Variants in PBX1 observed in about 807,000 individuals in gnomAD.
PBX1 encodes the protein pre-B-cell leukemia transcription factor 1.
Under a neutral mutation model 53.4 loss-of-function variants are expected in PBX1, and 6 were observed. That is an observed-to-expected ratio of 0.11 (90% CI 0.06 to 0.22). PBX1 has a LOEUF of 0.22. Ranked by LOEUF, PBX1 falls within the 10% of genes least tolerant of loss-of-function variation. The pLI, the probability that PBX1 is intolerant of heterozygous loss-of-function variation, is 1.00. For synonymous variants in PBX1, 204 were observed against 212.3 expected (o/e 0.96, Z 0.34); for missense variants, 251 against 551.4 (o/e 0.46, Z 5.46).
At chr1:164,817,059 A>G (rs1030980408) in intron 6 of PBX1, 5 of 150,922 alleles carry the variant, frequency 3.3e-5, no homozygotes, top group African/African-American at 7.3e-5. Context: ...ACATGCCCCA[A>G]ATGTCTGGGT....
At chr1:164,650,637 T>C (rs957027516) in intron 2 of PBX1, among the ~76,000 whole-genome samples, 1 of 152,176 alleles carries the variant, frequency 6.6e-6, no homozygotes, top group African/African-American at 2.4e-5. Flanking sequence ...TCCTTGCCAG[T>C]TAACCCAGCA....
intron 2 of PBX1, among the ~76,000 whole-genome samples, chr1:164,711,413 G>A (rs576730856): frequency 6.6e-5 from 10 of 152,138 alleles, no homozygotes; most frequent in South Asian, 2.1e-4. Flanking sequence ...ACAGGCGCCC[G>A]CCACCATGCC....
chr1:164,864,569 A>T (rs1672172796), intron 2 of PBX1, among the ~76,000 whole-genome samples: 1 of 152,168 alleles, frequency 6.6e-6, no homozygotes, highest in Non-Finnish European at 1.5e-5. Flanking sequence ...AGGTAATGAT[A>T]CCTATAAACT....
chr1:164,574,118 C>A (rs1190964210), intron 2 of PBX1, among the ~76,000 whole-genome samples: 2 of 152,218 alleles, frequency 1.3e-5, no homozygotes, highest in Non-Finnish European at 2.9e-5. Flanking sequence ...GGGTGGTTCC[C>A]CCACCTCCTT....
At position 164,559,353 on chromosome 1, in the gene PBX1, G is replaced by C. The variant is rs901531365; in HGVS notation, c.-470G>C. On this transcript the variant is annotated 5_prime_UTR_variant, in exon 1 of 9. Coordinates refer to ENST00000420696, the MANE Select transcript of PBX1 (RefSeq NM_002585.4). ...TGGGGGTGGGGGGCAGCGGGGGGTG[G>C]GGGGGGAAAGTTTGCATTGCAATCC... The C allele has an allele frequency of 5.0e-5, 10 of 200,756 alleles. No individual in the cohort carries two copies. The highest frequency in any genetic ancestry group is 1.6e-4 in the African/African-American group (7 of 43,274). 12.4% of individuals were successfully genotyped at this position (200,756 alleles called of 1,614,324 possible). A position where few individuals can be genotyped will look rare whatever the true frequency, so the allele number is the denominator to read the frequency against.
chr1:164,628,961 A>G (rs1357112913), intron 2 of PBX1, among the ~76,000 whole-genome samples: 1 of 152,124 alleles, frequency 6.6e-6, no homozygotes, highest in Non-Finnish European at 1.5e-5. Flanking sequence ...CTTTGTTGCC[A>G]TGGCAACAGT....
At chr1:164,604,733 A>G (rs1656435500) in intron 2 of PBX1, among the ~76,000 whole-genome samples, 1 of 152,322 alleles carries the variant, frequency 6.6e-6, no homozygotes, top group East Asian at 1.9e-4. Flanking sequence ...AAGAATTCTT[A>G]GTAATAAGTA....
rs975145244 is a variant in PBX1, at chr1:164,848,012, A to G, written c.*1336A>G. On this transcript the variant is annotated 3_prime_UTR_variant, in exon 9 of 9. Coordinates refer to ENST00000420696, the MANE Select transcript of PBX1 (RefSeq NM_002585.4). ...AGGCACACTGTATTAATTTTCCAAA[A>G]TGTTATACCACACTATGTTCTTGGT... 9 of 1,050,084 alleles carry G rather than the reference A, an allele frequency of 8.6e-6. No homozygotes were observed. The African/African-American group carries it at 1.5e-4, about 17-fold the overall frequency. The allele number at this position is 1,050,084 out of a possible 1,614,324, so 65.0% of individuals were successfully genotyped here.
intron 2 of PBX1, among the ~76,000 whole-genome samples, chr1:164,610,172 C>T (rs1424624896): frequency 6.6e-6 from 1 of 152,150 alleles, no homozygotes; most frequent in Non-Finnish European, 1.5e-5. Flanking sequence ...GCCATCAGCC[C>T]AATGCAGCAG....
At chr1:164,570,677 T>G (rs936627818) in intron 2 of PBX1, among the ~76,000 whole-genome samples, 10 of 152,350 alleles carry the variant, frequency 6.6e-5, no homozygotes, top group African/African-American at 2.4e-4. Context: ...TATGTGTGCA[T>G]GTGTCTTTAT....
intron 5 of PBX1, among the ~76,000 whole-genome samples, chr1:164,808,386 C>G (rs971271997): frequency 3.9e-5 from 6 of 152,160 alleles, no homozygotes; most frequent in Admixed American, 3.9e-4. Context: ...CTCAAAAGAT[C>G]CACCCAAACT....
chr1:164,734,657 A>G (rs1665172771), intron 2 of PBX1, among the ~76,000 whole-genome samples: 1 of 152,258 alleles, frequency 6.6e-6, no homozygotes, highest in South Asian at 2.1e-4. Context: ...TATATACACT[A>G]TGATAAAATT....
intron 2 of PBX1, among the ~76,000 whole-genome samples, chr1:164,756,769 T>C (rs1374431409): frequency 6.6e-6 from 1 of 152,252 alleles, no homozygotes; most frequent in Non-Finnish European, 1.5e-5. Flanking sequence ...TACATATGTG[T>C]AACTATACAT....
At chr1:164,791,445 T>C (rs1668502903) in intron 2 of PBX1, among the ~76,000 whole-genome samples, 1 of 152,180 alleles carries the variant, frequency 6.6e-6, no homozygotes, top group Non-Finnish European at 1.5e-5. Context: ...TCCTTATCAC[T>C]CGGAACACAT....
chr1:164,748,748 A>G (rs778192175), intron 2 of PBX1, among the ~76,000 whole-genome samples: 4 of 152,170 alleles, frequency 2.6e-5, no homozygotes, highest in Non-Finnish European at 5.9e-5. Flanking sequence ...TTCATCCCTT[A>G]CTCAAGATAA....
chr1:164,746,164 T>C (rs557146318), intron 2 of PBX1, among the ~76,000 whole-genome samples: 4 of 152,304 alleles, frequency 2.6e-5, no homozygotes, highest in African/African-American at 7.2e-5. Context: ...TTTCAAAGTA[T>C]GTAGAGGTAT....
intron 2 of PBX1, among the ~76,000 whole-genome samples, chr1:164,590,965 C>T (rs890886988): frequency 1.3e-5 from 2 of 151,928 alleles, no homozygotes; most frequent in East Asian, 1.9e-4. Context: ...CTTCTTCAGC[C>T]TCGTGAGTAG....
intron 2 of PBX1, among the ~76,000 whole-genome samples, chr1:164,635,154 A>T (rs1485045619): frequency 6.6e-6 from 1 of 152,158 alleles, no homozygotes; most frequent in African/African-American, 2.4e-5. Flanking sequence ...TTAATTTATT[A>T]ATCACTGAAT....
chr1:164,702,199 T>G (rs1571249083), intron 2 of PBX1, among the ~76,000 whole-genome samples: 1 of 151,996 alleles, frequency 6.6e-6, no homozygotes, highest in Admixed American at 6.5e-5. Flanking sequence ...GTTTTTTTTT[T>G]AATGTTCTCC....
Sources: gnomAD v4.1 joint callset for allele counts (sites outside exome capture counted in the v4.1 genomes callset) on GRCh38, gnomAD v4.1.1 for gene constraint, MANE v1.5 for transcripts, NCBI Gene and HGNC (gene_info 2026-07-23, HGNC 2026-07-21) for gene names.